KSR1: variants seen among roughly 807,000 people sequenced by gnomAD.
KSR1 encodes kinase suppressor of ras 1.
A neutral mutation model predicts 92.9 loss-of-function variants in KSR1; 35 were observed. That is an observed-to-expected ratio of 0.38 (90% CI 0.29 to 0.50). KSR1 has a LOEUF of 0.50. Ranked by LOEUF, KSR1 falls within the 20% of genes least tolerant of loss-of-function variation. The probability of loss-of-function intolerance (pLI) is 0.94; values close to 1 mark genes in which losing one functional copy is unlikely to be tolerated. For missense variants in KSR1, 972 were observed against 1,158.5 expected, an observed-to-expected ratio of 0.84 and a Z score of 2.34; for synonymous variants, 467 against 472.6, an observed-to-expected ratio of 0.99 and a Z score of 0.15.
chr17:27,614,896 T>C (rs939202777), intron 18 of KSR1, among the ~76,000 whole-genome samples: 4 of 152,162 alleles, frequency 2.6e-5, no homozygotes, highest in African/African-American at 9.7e-5. Context: ...TAGGGGAACA[T>C]TGGTCAACGC....
intron 1 of KSR1, among the ~76,000 whole-genome samples, chr17:27,462,131 T>C (rs2019479876): frequency 6.6e-6 from 1 of 152,212 alleles, no homozygotes; most frequent in African/African-American, 2.4e-5. Flanking sequence ...TCACCTGTTC[T>C]ATGTTGAGCA....
chr17:27,522,868 C>T (rs541863951), intron 1 of KSR1, among the ~76,000 whole-genome samples: 21 of 152,304 alleles, frequency 1.4e-4, no homozygotes, highest in African/African-American at 4.8e-4. Flanking sequence ...AGCCAGACAA[C>T]ATTTTGGGGA....
At chr17:27,590,524 A>G (rs888353392) in intron 6 of KSR1, among the ~76,000 whole-genome samples, 1 of 152,210 alleles carries the variant, frequency 6.6e-6, no homozygotes, top group Non-Finnish European at 1.5e-5. Flanking sequence ...CTGTGGGGTC[A>G]AAGGGTATGC....
intron 2 of KSR1, among the ~76,000 whole-genome samples, chr17:27,574,144 T>C (rs1432344497): frequency 6.6e-6 from 1 of 152,268 alleles, no homozygotes; most frequent in East Asian, 1.9e-4. Flanking sequence ...GATTGCTTTG[T>C]TCAGATAAGG....
rs772551524 is a variant in KSR1, at chr17:27,623,491, C to T, written c.*99C>T. ...CGACAAAAAAACACTGCCTGCCCAG[C>T]GCTGCAAACCAGGAGCACACGTCCT... On this transcript the variant is annotated 3_prime_UTR_variant, in exon 21 of 21. Transcript: ENST00000644974. 4 of 698,716 alleles carry T rather than the reference C, an allele frequency of 5.7e-6. No individual in the cohort carries two copies. The highest frequency in any genetic ancestry group is 5.3e-5 in the African/African-American group (3 of 56,688). 43.3% of individuals were successfully genotyped at this position (698,716 alleles called of 1,614,324 possible).
chr17:27,535,169 G>A (rs1436722907), intron 1 of KSR1, among the ~76,000 whole-genome samples: 1 of 152,134 alleles, frequency 6.6e-6, no homozygotes, highest in Non-Finnish European at 1.5e-5. Context: ...GTGGGCAGTG[G>A]TTGTGAAGCT....
At position 27,580,740 on chromosome 17, in the gene KSR1, C is replaced by T. The variant is rs149858806; in HGVS notation, c.521-1906C>T. Among the ~76,000 whole-genome samples the T allele has an allele frequency of 3.1e-3, 473 of 152,140 alleles. 2 individuals are homozygous for T. Among genetic ancestry groups the T allele is most frequent in the African/African-American group, 0.011 (442 of 41,502 alleles). On this transcript the variant is annotated intron_variant, in intron 3 of 20. Transcript: ENST00000644974. ...AGGCAGGGCTTGTGCAATACAGGTG[C>T]GTCAGTCCCTTCTCACAGGCTGTAA... is the stretch of plus-strand genomic sequence containing the variant.
chr17:27,506,651 C>T (rs2069393276), intron 1 of KSR1, among the ~76,000 whole-genome samples: 2 of 152,002 alleles, frequency 1.3e-5, no homozygotes, highest in Admixed American at 1.3e-4. Flanking sequence ...GGGATTTGTC[C>T]AGCCTTTATC....
chr17:27,605,748 G>T lies in KSR1; in HGVS notation c.1929G>T (p.Arg643=). The T allele has an allele frequency of 6.2e-7, 1 of 1,612,652 alleles. No individual in the cohort carries two copies. The highest frequency in any genetic ancestry group is 8.5e-7 in the Non-Finnish European group (1 of 1,179,762). Residue 643 remains arginine, a synonymous_variant, in exon 14 of 21, where the codon CGG becomes CGT. Coordinates refer to ENST00000644974, the MANE Select transcript of KSR1 (RefSeq NM_001394583.1). The part of the protein sequence containing the change: ...KKEVMNYRQT[R]HENVVLFMGA... ...AGGTGATGAACTACCGGCAGACGCG[G>T]CATGAGAACGTGGTGCTCTTCATGG... is the stretch of plus-strand genomic sequence containing the variant.
At chr17:27,513,721 A>C (rs2069686267) in intron 1 of KSR1, among the ~76,000 whole-genome samples, 1 of 152,222 alleles carries the variant, frequency 6.6e-6, no homozygotes, top group Non-Finnish European at 1.5e-5. Context: ...GAATTACAGC[A>C]GTAAAGCTTG....
intron 11 of KSR1, chr17:27,601,905 G>C: frequency 6.2e-7 from 1 of 1,609,166 alleles, no homozygotes; most frequent in Non-Finnish European, 8.5e-7. Context: ...CCATCTGCTG[G>C]CCATTGCTGG....
intron 6 of KSR1, among the ~76,000 whole-genome samples, chr17:27,589,561 G>A (rs1416040268): frequency 6.6e-6 from 1 of 152,180 alleles, no homozygotes; most frequent in Admixed American, 6.5e-5. Flanking sequence ...AAATGAGCTA[G>A]TGTTGGTGGA....
At chr17:27,621,456 C>T (rs888708480) in intron 20 of KSR1, among the ~76,000 whole-genome samples, 183 bp downstream of exon 20, 14 of 152,112 alleles carry the variant, frequency 9.2e-5, no homozygotes, top group African/African-American at 3.4e-4. Flanking sequence ...TTGCATTTTT[C>T]GCTGGGTGAG....
At chr17:27,490,490 C>T (rs566235253) in intron 1 of KSR1, among the ~76,000 whole-genome samples, 9 of 152,068 alleles carry the variant, frequency 5.9e-5, no homozygotes, top group South Asian at 2.1e-4. Flanking sequence ...TGAAATCTTA[C>T]ATGGAAAGCC....
At chr17:27,467,861 A>C (rs1265709393) in intron 1 of KSR1, among the ~76,000 whole-genome samples, 4 of 144,182 alleles carry the variant, frequency 2.8e-5, no homozygotes, top group Admixed American at 7.1e-5. Context: ...CCCAGGCTGT[A>C]GTTCCGTGGC....
At chr17:27,462,519 C>T (rs140165256) in intron 1 of KSR1, among the ~76,000 whole-genome samples, 42 of 152,320 alleles carry the variant, frequency 2.8e-4, no homozygotes, top group African/African-American at 9.4e-4. Flanking sequence ...TCCTCAAAGA[C>T]AGGACTCTCA....
chr17:27,605,384 G>A (rs377501109), intron 13 of KSR1, 50 bp from the exon 14 acceptor site: 15 of 1,562,058 alleles, frequency 9.6e-6, no homozygotes, highest in South Asian at 2.4e-5. Flanking sequence ...AAGAGACGTC[G>A]CAGAGCCCAG....
chr17:27,550,503 C>G, intron 1 of KSR1, 65 bp from the exon 2 acceptor site: 1 of 753,094 alleles, frequency 1.3e-6, no homozygotes, highest in Non-Finnish European at 2.4e-6. Context: ...CTGTAGTGTG[C>G]TTGGGCCTGC....
At chr17:27,487,672 T>G (rs9910293) in intron 1 of KSR1, among the ~76,000 whole-genome samples, 119 of 152,202 alleles carry the variant, frequency 7.8e-4, no homozygotes, top group African/African-American at 2.7e-3. Flanking sequence ...TATGGTTTTT[T>G]TTTAGAGGCG....
Sources: gnomAD v4.1 joint callset for allele counts (sites outside exome capture counted in the v4.1 genomes callset) on GRCh38, gnomAD v4.1.1 for gene constraint, MANE v1.5 for transcripts, NCBI Gene and HGNC (gene_info 2026-07-23, HGNC 2026-07-21) for gene names.